Variants in PGCKA1 observed in about 807,000 individuals in gnomAD.
The protein encoded by PGCKA1 is PDCD10 and GCKIII kinases-associated protein 1.
chr4:37,579,219 G>A, the PGCKA1 span, among the ~76,000 whole-genome samples: 23 of 151,584 alleles, frequency 1.5e-4, no homozygotes, highest in African/African-American at 4.4e-4. Flanking sequence ...ACATATTATC[G>A]TACAGTCTAT....
At chr4:37,512,015 G>A in the PGCKA1 span, among the ~76,000 whole-genome samples, 1,954 of 152,274 alleles carry the variant, frequency 0.013, 51 homozygotes, top group African/African-American at 0.044. Flanking sequence ...ACTCTGACAG[G>A]AGTGAGTTCA....
chr4:37,578,707 T>G, the PGCKA1 span, among the ~76,000 whole-genome samples: 1 of 152,198 alleles, frequency 6.6e-6, no homozygotes, highest in African/African-American at 2.4e-5. Flanking sequence ...AATACTTTTC[T>G]GTATTCATTG....
the PGCKA1 span, chr4:37,584,373 G>C: frequency 6.6e-6 from 1 of 152,256 alleles, no homozygotes; most frequent in East Asian, 1.9e-4. Context: ...GAGAGGCGCG[G>C]AAGCATGACC....
chr4:37,530,419 T>C, the PGCKA1 span, among the ~76,000 whole-genome samples: 1 of 149,660 alleles, frequency 6.7e-6, no homozygotes, highest in East Asian at 2.0e-4. Context: ...CAAAAGAATA[T>C]AAAAATGAGC....
the PGCKA1 span, among the ~76,000 whole-genome samples, chr4:37,525,147 AGAG>A: frequency 3.3e-5 from 5 of 152,216 alleles, no homozygotes; most frequent in Non-Finnish European, 7.3e-5. Context: ...TCAGTAATGC[AGAG>A]GAGGAGAACT....
chr4:37,478,728 G>A, the PGCKA1 span, among the ~76,000 whole-genome samples: 2 of 152,112 alleles, frequency 1.3e-5, no homozygotes, highest in South Asian at 4.1e-4. Context: ...TTTCTACAAA[G>A]ACAAATAACT....
chr4:37,575,970 C>A, the PGCKA1 span, among the ~76,000 whole-genome samples: 2 of 152,050 alleles, frequency 1.3e-5, no homozygotes, highest in East Asian at 1.9e-4. Flanking sequence ...TGTTTTTATG[C>A]CAAAACCATG....
the PGCKA1 span, chr4:37,590,575 T>G: frequency 1.2e-6 from 2 of 1,614,152 alleles, no homozygotes; most frequent in Non-Finnish European, 1.7e-6. Flanking sequence ...AAGTTTTGCC[T>G]TGGAAGTACA....
At chr4:37,555,746 G>A in the PGCKA1 span, among the ~76,000 whole-genome samples, 4 of 152,098 alleles carry the variant, frequency 2.6e-5, no homozygotes, top group Admixed American at 2.0e-4. Flanking sequence ...TTTATCTGAG[G>A]CACTGTAGAG....
the PGCKA1 span, among the ~76,000 whole-genome samples, chr4:37,489,849 CA>C: frequency 6.6e-6 from 1 of 152,022 alleles, no homozygotes; most frequent in Non-Finnish European, 1.5e-5. Flanking sequence ...GTGTCAGATC[CA>C]AAATGTTAGT....
chr4:37,549,637 A>G, the PGCKA1 span, among the ~76,000 whole-genome samples: 1 of 152,216 alleles, frequency 6.6e-6, no homozygotes, highest in African/African-American at 2.4e-5. Flanking sequence ...AAATCCCCGC[A>G]TAACCATTGA....
chr4:37,545,124 G>A, the PGCKA1 span, among the ~76,000 whole-genome samples: 2 of 152,120 alleles, frequency 1.3e-5, no homozygotes, highest in South Asian at 2.1e-4. Context: ...CCCAAGTGCT[G>A]GGATTATAGG....
chr4:37,582,698 C>G, the PGCKA1 span, among the ~76,000 whole-genome samples: 2 of 152,198 alleles, frequency 1.3e-5, no homozygotes, highest in South Asian at 4.1e-4. Context: ...TCAGTGCATC[C>G]TATCAGGAGC....
the PGCKA1 span, chr4:37,590,490 G>C: frequency 6.2e-7 from 1 of 1,613,582 alleles, no homozygotes; most frequent in Non-Finnish European, 8.5e-7. Context: ...CCAGGAAACA[G>C]GACTGTGTGC....
At chr4:37,555,002 G>C in the PGCKA1 span, among the ~76,000 whole-genome samples, 1 of 152,182 alleles carries the variant, frequency 6.6e-6, no homozygotes, top group Non-Finnish European at 1.5e-5. Flanking sequence ...CAGTGCAGTG[G>C]TTTAATGAGA....
chr4:37,542,242 T>C, the PGCKA1 span, among the ~76,000 whole-genome samples: 36 of 152,302 alleles, frequency 2.4e-4, no homozygotes, highest in African/African-American at 8.7e-4. Context: ...TGCACCACTA[T>C]GCAAAAGTGT....
the PGCKA1 span, among the ~76,000 whole-genome samples, chr4:37,579,954 T>C: frequency 6.6e-6 from 1 of 152,206 alleles, no homozygotes; most frequent in Admixed American, 6.5e-5. Context: ...GTGTGCATCA[T>C]TGTTTTTTAT....
chr4:37,485,764 T>C, the PGCKA1 span, among the ~76,000 whole-genome samples: 1 of 152,158 alleles, frequency 6.6e-6, no homozygotes, highest in African/African-American at 2.4e-5. Flanking sequence ...CAAAAGATGT[T>C]TAGTTTGCAT....
At chr4:37,499,323 A>T in the PGCKA1 span, among the ~76,000 whole-genome samples, 1 of 152,196 alleles carries the variant, frequency 6.6e-6, no homozygotes, top group Non-Finnish European at 1.5e-5. Flanking sequence ...TAGCAGGATG[A>T]TGCTGGCCTC....
Sources: allele counts gnomAD v4.1 joint callset (sites outside exome capture counted in the v4.1 genomes callset), GRCh38; gene constraint gnomAD v4.1.1; transcripts MANE v1.5; gene names NCBI Gene and HGNC (gene_info 2026-07-23, HGNC 2026-07-21).